Variants in RALYL observed in about 807,000 individuals in gnomAD.
RALYL encodes RALY RNA binding protein like, also known as RNA-binding Raly-like protein.
RALYL carries 29 observed loss-of-function variants against 35.1 expected under a neutral mutation model. The ratio of observed to expected loss-of-function variants is 0.83; its 90% confidence interval spans 0.61 to 1.13. RALYL has a LOEUF of 1.13. Among genes scored for constraint, RALYL ranks in the 50% most tolerant of loss-of-function variants. The pLI, the probability that RALYL is intolerant of heterozygous loss-of-function variation, is 0.00. For missense variants in RALYL, 359 were observed against 360.4 expected (o/e 1.00, Z 0.03); for synonymous variants, 120 against 127.6 (o/e 0.94, Z 0.40).
intron 1 of RALYL, among the ~76,000 whole-genome samples, chr8:84,402,517 A>G (rs2043018861): frequency 6.6e-6 from 1 of 152,160 alleles, no homozygotes; most frequent in Non-Finnish European, 1.5e-5. Context: ...CTACCAGTTA[A>G]CTGAAACAAG....
At chr8:84,900,009 A>T (rs1478572849) in intron 8 of RALYL, among the ~76,000 whole-genome samples, 1 of 152,218 alleles carries the variant, frequency 6.6e-6, no homozygotes, top group Non-Finnish European at 1.5e-5. Context: ...CGTGATCATT[A>T]AAAAACAAGC....
intron 2 of RALYL, among the ~76,000 whole-genome samples, chr8:84,672,186 C>T (rs987656414): frequency 6.6e-6 from 1 of 152,212 alleles, no homozygotes; most frequent in Non-Finnish European, 1.5e-5. Context: ...CTGCCAGTCT[C>T]ATTGCTAAAG....
At chr8:84,203,011 C>T (rs1285172465) in intron 1 of RALYL, among the ~76,000 whole-genome samples, 1 of 152,022 alleles carries the variant, frequency 6.6e-6, no homozygotes, top group Non-Finnish European at 1.5e-5. Flanking sequence ...ATCAGTCCCT[C>T]ATGTAGTTGT....
chr8:84,600,248 T>G (rs942977212), intron 2 of RALYL, among the ~76,000 whole-genome samples: 22 of 152,132 alleles, frequency 1.4e-4, no homozygotes, highest in African/African-American at 5.1e-4. Flanking sequence ...TCATCCTCAG[T>G]TCATCAAATA....
chr8:84,897,904 G>A (rs1245333120), intron 8 of RALYL, among the ~76,000 whole-genome samples: 1 of 152,146 alleles, frequency 6.6e-6, no homozygotes, highest in Non-Finnish European at 1.5e-5. Context: ...CAGTATGATA[G>A]GTAAAAATGT....
At chr8:84,716,170 G>C (rs932596173) in intron 2 of RALYL, among the ~76,000 whole-genome samples, 1 of 151,964 alleles carries the variant, frequency 6.6e-6, no homozygotes, top group Non-Finnish European at 1.5e-5. Context: ...TTCTTAATAG[G>C]CTCCACAGGC....
intron 2 of RALYL, among the ~76,000 whole-genome samples, chr8:84,734,359 T>A (rs571470795): frequency 6.6e-6 from 1 of 152,308 alleles, no homozygotes; most frequent in Non-Finnish European, 1.5e-5. Context: ...CTGTGTTTAT[T>A]AGCCATAAGA....
At position 84,682,193 on chromosome 8, in the gene RALYL, C is replaced by G. The variant is rs543380716; in HGVS notation, c.257-92386C>G. Reference sequence around the variant, plus strand: ...CCTTGCATCCCAGGGATGAAGCCCACTTGATCATGGTGGATAAGCTTTTTG... The same window carrying G: ...CCTTGCATCCCAGGGATGAAGCCCAGTTGATCATGGTGGATAAGCTTTTTG... On this transcript the variant is annotated intron_variant, in intron 2 of 8. Coordinates refer to ENST00000521268, the MANE Select transcript of RALYL (RefSeq NM_173848.7). Among the ~76,000 whole-genome samples, 85 of 152,264 alleles carry G rather than the reference C, an allele frequency of 5.6e-4. 1 individual carries two copies. The highest frequency in any genetic ancestry group is 6.8e-3 in the Middle Eastern group (2 of 294).
At chr8:84,447,908 G>A (rs1030745113) in intron 1 of RALYL, among the ~76,000 whole-genome samples, 1 of 151,974 alleles carries the variant, frequency 6.6e-6, no homozygotes, top group Non-Finnish European at 1.5e-5. Flanking sequence ...TGGAGGAAGT[G>A]AACGCATTAT....
At chr8:84,535,110 T>C (rs2135091459) in intron 2 of RALYL, among the ~76,000 whole-genome samples, 1 of 152,324 alleles carries the variant, frequency 6.6e-6, no homozygotes, top group African/African-American at 2.4e-5. Flanking sequence ...AGTTCTTTCA[T>C]GCACATATTA....
chr8:84,466,628 G>A (rs1159482742), intron 1 of RALYL, among the ~76,000 whole-genome samples: 1 of 150,436 alleles, frequency 6.6e-6, no homozygotes, highest in African/African-American at 2.4e-5. Flanking sequence ...TCTCTGCCTG[G>A]CTTTGGTATC....
intron 2 of RALYL, among the ~76,000 whole-genome samples, chr8:84,600,644 C>T (rs929638464): frequency 3.3e-5 from 5 of 152,106 alleles, no homozygotes; most frequent in Non-Finnish European, 7.4e-5. Flanking sequence ...GTGCACAGCC[C>T]ATCTGTTAGA....
chr8:84,818,413 G>C (rs1262694410), intron 4 of RALYL, among the ~76,000 whole-genome samples: 2 of 152,120 alleles, frequency 1.3e-5, no homozygotes, highest in Non-Finnish European at 2.9e-5. Flanking sequence ...GACAAAAGTA[G>C]GACCTGAGTT....
At chr8:84,395,329 A>T (rs2131860550) in intron 1 of RALYL, among the ~76,000 whole-genome samples, 1 of 152,062 alleles carries the variant, frequency 6.6e-6, no homozygotes, top group East Asian at 1.9e-4. Flanking sequence ...CTAATAAAAA[A>T]TATAGAATAA....
At chr8:84,626,640 G>T (rs1822792675) in intron 2 of RALYL, among the ~76,000 whole-genome samples, 1 of 152,020 alleles carries the variant, frequency 6.6e-6, no homozygotes, top group African/African-American at 2.4e-5. Flanking sequence ...ATTAATCCAG[G>T]AATATTGATT....
chr8:84,608,338 G>T lies in RALYL; in HGVS notation c.256+78761G>T, dbSNP rs531962389. The stretch of plus-strand genomic sequence containing the variant: ...CTGCAGGGAGACATGGGCACCTCAT[G>T]CAGGACTGGGATGGGAATGGGAAGA... On this transcript the variant is annotated intron_variant, in intron 2 of 8. Transcript: ENST00000521268. Among the ~76,000 whole-genome samples the T allele has an allele frequency of 2.0e-5, 3 of 152,274 alleles. No homozygotes were observed. The South Asian group carries it at 6.2e-4, about 32-fold the overall frequency.
At chr8:84,886,463 T>G (rs1586970323) in intron 7 of RALYL, among the ~76,000 whole-genome samples, 1 of 152,194 alleles carries the variant, frequency 6.6e-6, no homozygotes, top group Middle Eastern at 3.4e-3. Flanking sequence ...TCATAAATTA[T>G]CAATAAATAA....
chr8:84,660,862 T>C (rs1830769355), intron 2 of RALYL, among the ~76,000 whole-genome samples: 1 of 152,138 alleles, frequency 6.6e-6, no homozygotes, highest in South Asian at 2.1e-4. Context: ...ATTTTCAGGA[T>C]GTAGAATTTA....
At chr8:84,597,653 C>T (rs1376451542) in intron 2 of RALYL, among the ~76,000 whole-genome samples, 10 of 151,980 alleles carry the variant, frequency 6.6e-5, no homozygotes, top group Admixed American at 6.6e-4. Context: ...TCCATAAACC[C>T]CCAAAAATGT....
Sources: gnomAD v4.1 joint callset for allele counts (sites outside exome capture counted in the v4.1 genomes callset) on GRCh38, gnomAD v4.1.1 for gene constraint, MANE v1.5 for transcripts, NCBI Gene and HGNC (gene_info 2026-07-23, HGNC 2026-07-21) for gene names.